The following UVRAG variants were observed in gnomAD, a reference collection of about 807,000 sequenced individuals.
UVRAG encodes the protein UV radiation resistance-associated gene protein.
A neutral mutation model predicts 78.0 loss-of-function variants in UVRAG; 19 were observed. That is an observed-to-expected ratio of 0.24 (90% CI 0.17 to 0.36). The LOEUF (loss-of-function observed/expected upper bound fraction) is 0.36, where lower values mean the gene tolerates loss of function less well. Ranked by LOEUF, UVRAG falls within the 10% of genes least tolerant of loss-of-function variation. UVRAG has a pLI of 1.00. For synonymous variants in UVRAG, 323 were observed against 324.6 expected (o/e 1.00, Z 0.05); for missense variants, 740 against 853.8 (o/e 0.87, Z 1.66).
intron 11 of UVRAG, among the ~76,000 whole-genome samples, chr11:76,009,628 G>A (rs1950014452): frequency 6.6e-6 from 1 of 152,112 alleles, no homozygotes; most frequent in South Asian, 2.1e-4. Flanking sequence ...TTTTGATCAG[G>A]ACTTTCATTT....
chr11:76,055,162 C>A (rs1249359425), intron 12 of UVRAG, among the ~76,000 whole-genome samples: 1 of 152,190 alleles, frequency 6.6e-6, no homozygotes, highest in Non-Finnish European at 1.5e-5. Context: ...ATCCTCCCAC[C>A]TCAGCCTCCC....
chr11:75,972,642 C>G (rs1259838763), intron 7 of UVRAG, among the ~76,000 whole-genome samples: 3 of 152,204 alleles, frequency 2.0e-5, no homozygotes, highest in Admixed American at 2.0e-4. Context: ...CCATACCACC[C>G]TGTCTTGATT....
intron 1 of UVRAG, among the ~76,000 whole-genome samples, chr11:75,848,971 G>T (rs1217938371): frequency 2.6e-5 from 4 of 152,144 alleles, no homozygotes; most frequent in Non-Finnish European, 5.9e-5. Flanking sequence ...CTGAGGTCAG[G>T]AGTTCGAGAC....
intron 6 of UVRAG, among the ~76,000 whole-genome samples, chr11:75,913,128 T>C (rs1451463637): frequency 6.6e-6 from 1 of 152,184 alleles, no homozygotes; most frequent in Non-Finnish European, 1.5e-5. Flanking sequence ...AGTTCAGAAA[T>C]TATTTGAAAT....
intron 1 of UVRAG, 114 bp downstream of exon 1, chr11:75,815,638 G>C (rs1945246588): frequency 1.7e-6 from 1 of 587,402 alleles, no homozygotes; most frequent in Admixed American, 4.4e-5. Context: ...GGACCCGGAG[G>C]GCTCGCGGGA....
rs147216651 is a variant in UVRAG at position 76,069,956 on chromosome 11, A to G, written c.1305+4168A>G. Among the ~76,000 whole-genome samples the G allele has an allele frequency of 1.2e-3, 179 of 152,332 alleles. 2 individuals are homozygous for G. The highest frequency in any genetic ancestry group is 9.4e-3 in the East Asian group (49 of 5,188). On this transcript the variant is annotated intron_variant, in intron 13 of 14. Transcript: ENST00000356136. ...TCATAATTTTTCCATTAGCAAGCACAATGCCAGAAACACTGTAAGTTCTAA... is the reference window on the plus strand; with the variant it reads ...TCATAATTTTTCCATTAGCAAGCACGATGCCAGAAACACTGTAAGTTCTAA...
intron 6 of UVRAG, 39 bp downstream of exon 6, chr11:75,912,078 CTT>C: frequency 7.0e-7 from 1 of 1,421,184 alleles, no homozygotes; most frequent in Non-Finnish European, 9.9e-7. Context: ...TCTAAAGAAT[CTT>C]TCTCATTTTG....
Position 75,836,070 on chromosome 11 carries a change from C to T in UVRAG, c.118-15813C>T, listed in dbSNP as rs549223744. Among the ~76,000 whole-genome samples, 9 of 151,966 alleles carry T rather than the reference C, an allele frequency of 5.9e-5. No homozygotes were observed. The East Asian group carries it at 1.2e-3, about 20-fold the overall frequency. ...GAGCCTAGATCATGCCACTGCACTC[C>T]AGCCTGGAGACAGTGAGACTCTGTC... is the stretch of plus-strand genomic sequence containing the variant. On this transcript the variant is annotated intron_variant, in intron 1 of 14. Transcript: ENST00000356136.
chr11:75,877,402 C>A (rs1364113760), intron 3 of UVRAG, among the ~76,000 whole-genome samples: 1 of 152,040 alleles, frequency 6.6e-6, no homozygotes, highest in Non-Finnish European at 1.5e-5. Flanking sequence ...GGCAGAGGGG[C>A]TCCTCACTTC....
rs1476289106 is a variant in UVRAG, at chr11:75,815,260, AGCG to A, written c.-139_-137del. 10 of 466,712 alleles carry A rather than the reference AGCG, an allele frequency of 2.1e-5. No homozygotes were observed. Among genetic ancestry groups the A allele is most frequent in the African/African-American group, 6.1e-5 (3 of 49,120 alleles). 28.9% of individuals were successfully genotyped at this position (466,712 alleles called of 1,614,324 possible). A position where few individuals can be genotyped will look rare whatever the true frequency, so the allele number is the denominator to read the frequency against. ...CGGCGGCAACGGCGGCAGCGGCGGC[AGCG>A]GCGGCGGCTACTGTCTGGGCTGAGC... On this transcript the variant is annotated 5_prime_UTR_variant, in exon 1 of 15. Coordinates refer to ENST00000356136, the MANE Select transcript of UVRAG (RefSeq NM_003369.4).
intron 12 of UVRAG, among the ~76,000 whole-genome samples, chr11:76,026,242 G>T (rs144607844): frequency 5.5e-4 from 84 of 152,188 alleles, no homozygotes; most frequent in African/African-American, 1.9e-3. Flanking sequence ...AAACATAAAT[G>T]AAAATTCCAG....
At chr11:76,104,711 T>G (rs1168479290) in intron 13 of UVRAG, among the ~76,000 whole-genome samples, 1 of 152,206 alleles carries the variant, frequency 6.6e-6, no homozygotes, top group Non-Finnish European at 1.5e-5. Flanking sequence ...ATTCAGTAAT[T>G]ATTTATTACT....
intron 1 of UVRAG, among the ~76,000 whole-genome samples, chr11:75,843,663 C>CA (rs1945964841): frequency 1.3e-5 from 2 of 151,868 alleles, no homozygotes; most frequent in South Asian, 4.1e-4. Flanking sequence ...CCAGTAGGGG[C>CA]AAAAAAGAAC....
At chr11:75,960,959 G>A (rs1475855207) in intron 6 of UVRAG, among the ~76,000 whole-genome samples, 2 of 151,888 alleles carry the variant, frequency 1.3e-5, no homozygotes, top group African/African-American at 4.8e-5. Context: ...ATCATCTTTT[G>A]GTTTTTTCTT....
intron 1 of UVRAG, among the ~76,000 whole-genome samples, chr11:75,828,108 C>T (rs376893797): frequency 6.6e-6 from 1 of 152,072 alleles, no homozygotes; most frequent in Non-Finnish European, 1.5e-5. Flanking sequence ...GGATAATTTA[C>T]AGGACTATAC....
chr11:76,070,785 A>G (rs1204427089), intron 13 of UVRAG, among the ~76,000 whole-genome samples: 4 of 152,182 alleles, frequency 2.6e-5, no homozygotes, highest in African/African-American at 9.7e-5. Flanking sequence ...TTATATAAGT[A>G]TCTACAAAAA....
At chr11:75,945,084 C>A (rs556171036) in intron 6 of UVRAG, among the ~76,000 whole-genome samples, 1 of 152,012 alleles carries the variant, frequency 6.6e-6, no homozygotes, top group Non-Finnish European at 1.5e-5. Context: ...AGTTTTTCTA[C>A]GCTTGATATA....
intron 7 of UVRAG, among the ~76,000 whole-genome samples, chr11:75,982,716 G>C (rs1228777820): frequency 1.3e-5 from 2 of 152,166 alleles, no homozygotes; most frequent in Non-Finnish European, 2.9e-5. Context: ...TGTTTCTATG[G>C]ATTTGCCTAT....
chr11:75,851,810 G>A, intron 1 of UVRAG, 73 bp from the exon 2 acceptor site: 2 of 1,153,550 alleles, frequency 1.7e-6, no homozygotes, highest in Non-Finnish European at 2.6e-6. Context: ...TTTCATTTTT[G>A]AACTGCAACT....
Sources: gnomAD v4.1 joint callset for allele counts (sites outside exome capture counted in the v4.1 genomes callset) on GRCh38, gnomAD v4.1.1 for gene constraint, MANE v1.5 for transcripts, NCBI Gene and HGNC (gene_info 2026-07-23, HGNC 2026-07-21) for gene names.